Variants in CFAP107 observed in about 807,000 individuals in gnomAD.
CFAP107 encodes the protein cilia and flagella associated protein 107, also known as cilia- and flagella-associated protein 107.
chr1:12,755,573 G>A, the CFAP107 span: 1 of 702,794 alleles, frequency 1.4e-6, no homozygotes, highest in Non-Finnish European at 2.6e-6. Flanking sequence ...GTGTTGGGCA[G>A]GGTGTCCAGG....
the CFAP107 span, among the ~76,000 whole-genome samples, chr1:12,759,093 C>T: frequency 6.6e-6 from 1 of 152,270 alleles, no homozygotes; most frequent in South Asian, 2.1e-4. Flanking sequence ...ACCGGCCATA[C>T]AGAGAACTAA....
At chr1:12,759,599 G>A in the CFAP107 span, 2 of 1,224,188 alleles carry the variant, frequency 1.6e-6, no homozygotes, top group African/African-American at 1.5e-5. Flanking sequence ...CTGGCTCCAG[G>A]AGAGCAGCGG....
At chr1:12,761,145 C>T in the CFAP107 span, 6 of 554,002 alleles carry the variant, frequency 1.1e-5, no homozygotes, top group South Asian at 1.6e-4. Context: ...CTTTTCCATC[C>T]AACAATTAAA....
the CFAP107 span, among the ~76,000 whole-genome samples, chr1:12,752,421 C>CA: frequency 1.3e-5 from 2 of 151,268 alleles, no homozygotes; most frequent in South Asian, 4.2e-4. Context: ...CTTGTCCCTA[C>CA]AAAAAATACA....
chr1:12,763,108 C>G, the CFAP107 span: 2 of 152,144 alleles, frequency 1.3e-5, no homozygotes, highest in Admixed American at 6.6e-5. Flanking sequence ...ATCGCTTGAA[C>G]CCAGGAGGCG....
chr1:12,761,653 C>T, the CFAP107 span: 1 of 152,100 alleles, frequency 6.6e-6, no homozygotes, highest in Admixed American at 6.6e-5. Flanking sequence ...TCTTTTGCCT[C>T]AGCCTCCTGA....
the CFAP107 span, chr1:12,761,059 C>T: frequency 8.8e-7 from 1 of 1,134,048 alleles, no homozygotes. Context: ...CGAGATCTGG[C>T]CCGTCAAAGG....
chr1:12,757,935 C>T, the CFAP107 span, among the ~76,000 whole-genome samples: 1 of 152,122 alleles, frequency 6.6e-6, no homozygotes, highest in Non-Finnish European at 1.5e-5. Flanking sequence ...CATACCAAGC[C>T]AATATTTCCT....
At chr1:12,751,354 C>T in the CFAP107 span, among the ~76,000 whole-genome samples, 10 of 152,250 alleles carry the variant, frequency 6.6e-5, no homozygotes, top group East Asian at 3.9e-4. Flanking sequence ...GGACCGGGCG[C>T]GGTGGCTCAT....
At chr1:12,755,794 A>C in the CFAP107 span, 1 of 1,612,882 alleles carries the variant, frequency 6.2e-7, no homozygotes, top group Non-Finnish European at 8.5e-7. Flanking sequence ...TCCAGGTGGT[A>C]TGGGAAGAGG....
chr1:12,747,762 G>A, the CFAP107 span, among the ~76,000 whole-genome samples: 4 of 152,134 alleles, frequency 2.6e-5, no homozygotes, highest in African/African-American at 2.4e-5. Flanking sequence ...AGTTCCAAAA[G>A]CAAGAAGGAC....
the CFAP107 span, chr1:12,763,166 A>G: frequency 7.7e-3 from 1,170 of 152,294 alleles, 12 homozygotes; most frequent in East Asian, 0.048. Context: ...AGCCTTGGTG[A>G]CAGAGTGAGA....
chr1:12,749,604 G>A, the CFAP107 span, among the ~76,000 whole-genome samples: 1 of 151,930 alleles, frequency 6.6e-6, no homozygotes, highest in Non-Finnish European at 1.5e-5. Context: ...GAGTGAGAGT[G>A]AGGCCCTGTC....
chr1:12,746,574 C>CA, the CFAP107 span: 1 of 1,475,042 alleles, frequency 6.8e-7, no homozygotes, highest in East Asian at 2.3e-5. Flanking sequence ...AGAGAGGGCT[C>CA]AGAGGGACTG....
At chr1:12,761,440 G>A in the CFAP107 span, 3 of 153,046 alleles carry the variant, frequency 2.0e-5, no homozygotes, top group African/African-American at 4.8e-5. Context: ...TCATTGCCAA[G>A]GCAGAGGAAG....
At chr1:12,761,799 T>C in the CFAP107 span, 1 of 152,364 alleles carries the variant, frequency 6.6e-6, no homozygotes, top group East Asian at 1.9e-4. Context: ...CCTCCCAAAG[T>C]GCTGGGATTA....
the CFAP107 span, chr1:12,759,524 C>T: frequency 2.5e-6 from 4 of 1,612,740 alleles, no homozygotes; most frequent in Non-Finnish European, 3.4e-6. Flanking sequence ...CTGCGTTGGT[C>T]TGTAAAGTTG....
chr1:12,746,635 C>T, the CFAP107 span: 1 of 860,438 alleles, frequency 1.2e-6, no homozygotes. Context: ...TGGAGGGCAG[C>T]AGATGATTGC....
At chr1:12,746,646 A>G in the CFAP107 span, 1 of 809,418 alleles carries the variant, frequency 1.2e-6, no homozygotes. Context: ...AGATGATTGC[A>G]TCTTAAAAAT....
Sources: gnomAD v4.1 joint callset for allele counts (sites outside exome capture counted in the v4.1 genomes callset) on GRCh38, gnomAD v4.1.1 for gene constraint, MANE v1.5 for transcripts, NCBI Gene and HGNC (gene_info 2026-07-23, HGNC 2026-07-21) for gene names.